The following CCDC88C variants were observed in gnomAD, a reference collection of about 807,000 sequenced individuals.
CCDC88C encodes protein Daple.
In CCDC88C, 131 loss-of-function variants were observed where a neutral mutation model predicts 198.8. That is an observed-to-expected ratio of 0.66 (90% CI 0.57 to 0.76). The LOEUF is 0.76. Ranked by LOEUF, CCDC88C falls within the 30% of genes least tolerant of loss-of-function variation. CCDC88C has a pLI of 0.00. For synonymous variants in CCDC88C, 1,166 were observed against 1,114.7 expected, an observed-to-expected ratio of 1.05 and a Z score of -0.92; for missense variants, 2,553 against 2,631.6, an observed-to-expected ratio of 0.97 and a Z score of 0.65.
At chr14:91,380,566 C>T (rs1038246389) in intron 3 of CCDC88C, among the ~76,000 whole-genome samples, 3 of 151,876 alleles carry the variant, frequency 2.0e-5, no homozygotes, top group African/African-American at 4.8e-5. Flanking sequence ...TTTCCCTTTG[C>T]TGTAAAGGGA....
At chr14:91,405,086 A>G (rs1401715196) in intron 3 of CCDC88C, among the ~76,000 whole-genome samples, 1 of 152,106 alleles carries the variant, frequency 6.6e-6, no homozygotes, top group Admixed American at 6.5e-5. Flanking sequence ...ATAGGATCTC[A>G]GCCACACTGG....
intron 3 of CCDC88C, among the ~76,000 whole-genome samples, chr14:91,390,328 C>G (rs74087918): frequency 6.6e-6 from 1 of 152,180 alleles, no homozygotes; most frequent in Admixed American, 6.5e-5. Context: ...ACCCTCCATC[C>G]GCTTAATTTA....
At chr14:91,390,237 C>T (rs548020719) in intron 3 of CCDC88C, among the ~76,000 whole-genome samples, 17 of 152,260 alleles carry the variant, frequency 1.1e-4, no homozygotes, top group African/African-American at 3.1e-4. Flanking sequence ...CTGTCACACA[C>T]ATTCTTAGTA....
rs1893843334 is a variant in CCDC88C at position 91,352,191 on chromosome 14, A to G, written c.340+7451T>C. 6.6e-6 allele frequency among the ~76,000 whole-genome samples: 1 copy of G among 152,240 alleles called. No homozygotes were observed. Among genetic ancestry groups the G allele is most frequent in the South Asian group, 2.1e-4 (1 of 4,834 alleles). ...GGCCACAGAGAGTAGGGCTGCTGGA[A>G]GCCATGGTGTGGCTGTTGCAGCCAG... is the stretch of plus-strand genomic sequence containing the variant. On this transcript the variant is annotated intron_variant, in intron 4 of 29. Transcript: ENST00000389857. The surrounding 1 kb of genome is among the most constrained non-coding windows in gnomAD (Gnocchi z 4.2).
intron 3 of CCDC88C, among the ~76,000 whole-genome samples, chr14:91,377,143 C>A (rs968600330): frequency 6.6e-6 from 1 of 152,240 alleles, no homozygotes; most frequent in African/African-American, 2.4e-5. Flanking sequence ...CCTCAGACTG[C>A]CTGCCCTGAG....
intron 29 of CCDC88C, among the ~76,000 whole-genome samples, chr14:91,274,117 C>A (rs904149266): frequency 2.0e-5 from 3 of 150,762 alleles, no homozygotes; most frequent in Non-Finnish European, 4.4e-5. Flanking sequence ...GCAAGAGGAA[C>A]AAGAGCAGCT....
At chr14:91,409,758 T>C (rs1886706365) in intron 2 of CCDC88C, among the ~76,000 whole-genome samples, 2 of 152,204 alleles carry the variant, frequency 1.3e-5, no homozygotes, top group African/African-American at 4.8e-5. Flanking sequence ...AGTGCCGGGA[T>C]TACAGGTGTG....
rs191988967 is a variant in CCDC88C at position 91,314,508 on chromosome 14, C to T, written c.1666-358G>A. Reference sequence around the variant, plus strand: ...CCACCTCCTGCTCACTGCTCCTAGCCCAGCTGACTGTGAACACTTTGCACA... The same window carrying T: ...CCACCTCCTGCTCACTGCTCCTAGCTCAGCTGACTGTGAACACTTTGCACA... On this transcript the variant is annotated intron_variant, in intron 14 of 29. Coordinates refer to ENST00000389857, the MANE Select transcript of CCDC88C (RefSeq NM_001080414.4). 2.4e-3 allele frequency among the ~76,000 whole-genome samples: 368 copies of T among 152,342 alleles called. 2 individuals are homozygous for T. The highest frequency in any genetic ancestry group is 8.5e-3 in the African/African-American group (355 of 41,570).
chr14:91,417,569 C>G (rs1887133727), intron 1 of CCDC88C, 62 bp downstream of exon 1: 9 of 1,485,512 alleles, frequency 6.1e-6, no homozygotes, highest in South Asian at 1.2e-5. Context: ...TGCGGCGTCC[C>G]GTCGCCGGGC....
chr14:91,416,931 G>A, intron 1 of CCDC88C, 93 bp from the exon 2 acceptor site: 1 of 861,520 alleles, frequency 1.2e-6, no homozygotes, highest in Non-Finnish European at 1.9e-6. Context: ...GGACGGGTCA[G>A]TGTGAGCAGA....
chr14:91,290,574 C>A (rs1890617676), intron 24 of CCDC88C, among the ~76,000 whole-genome samples: 2 of 152,204 alleles, frequency 1.3e-5, no homozygotes, highest in Non-Finnish European at 2.9e-5. Context: ...TGCATAAGGT[C>A]AAAAGGTTCC....
chr14:91,412,715 G>A (rs561355910), intron 2 of CCDC88C, among the ~76,000 whole-genome samples: 12 of 152,102 alleles, frequency 7.9e-5, no homozygotes, highest in Non-Finnish European at 1.5e-4. Flanking sequence ...CATTACAGGC[G>A]TGAGCCACCG....
Position 91,272,741 on chromosome 14 carries a change from G to A in CCDC88C, c.5971C>T (p.His1991Tyr), listed in dbSNP as rs1370936161. 6.2e-7 allele frequency: 1 copy of A among 1,609,084 alleles called. No individual in the cohort carries two copies. Among genetic ancestry groups the A allele is most frequent in the Non-Finnish European group, 8.5e-7 (1 of 1,179,092 alleles). Residue 1991 changes from histidine (H) to tyrosine (Y), a missense_variant, in exon 30 of 30, where the codon CAC (histidine) becomes TAC (tyrosine). Coordinates refer to ENST00000389857, the MANE Select transcript of CCDC88C (RefSeq NM_001080414.4). ...SPGRSPDLAP[H>Y]LGRALEDCSR... ...CAGTCCTCCAGGGCCCGGCCGAGGT[G>A]GGGAGCCAAATCGGGAGACCGACCT...
intron 12 of CCDC88C, among the ~76,000 whole-genome samples, chr14:91,323,034 T>C (rs2139824960): frequency 6.6e-6 from 1 of 151,656 alleles, no homozygotes; most frequent in South Asian, 2.1e-4. Flanking sequence ...GCCTCCTGAG[T>C]AGCTGGGATT....
rs143780690 is a variant in CCDC88C at position 91,375,825 on chromosome 14, CCTT to C, written c.271-16117_271-16115del. ...CAGGGCGAGTGGGGGGCAAATGTCT[CCTT>C]CTGATCTGACCCTTTCCAGCAGGCA... On this transcript the variant is annotated intron_variant, in intron 3 of 29. Transcript: ENST00000389857. Among the ~76,000 whole-genome samples the C allele has an allele frequency of 9.8e-3, 1,489 of 152,336 alleles. 29 individuals are homozygous for C. Among genetic ancestry groups the C allele is most frequent in the African/African-American group, 0.034 (1,432 of 41,576 alleles).
rs1207134785 is a variant in CCDC88C at position 91,415,098 on chromosome 14, T to A, written c.161+1640A>T. 2.6e-5 allele frequency among the ~76,000 whole-genome samples: 4 copies of A among 152,194 alleles called. No homozygotes were observed. The East Asian group carries it at 7.7e-4, about 29-fold the overall frequency. On this transcript the variant is annotated intron_variant, in intron 2 of 29. Coordinates refer to ENST00000389857, the MANE Select transcript of CCDC88C (RefSeq NM_001080414.4). Reference sequence around the variant, plus strand: ...AGGCTGGGGATACTGCTGGTTTTTTTAATTAAACAGTCTTGGGCTTGGGTA... The same window carrying A: ...AGGCTGGGGATACTGCTGGTTTTTTAAATTAAACAGTCTTGGGCTTGGGTA...
At chr14:91,413,213 G>A (rs980134022) in intron 2 of CCDC88C, among the ~76,000 whole-genome samples, 1 of 152,302 alleles carries the variant, frequency 6.6e-6, no homozygotes, top group African/African-American at 2.4e-5. Flanking sequence ...ATGGGTACAC[G>A]TACGTATGTC....
intron 19 of CCDC88C, among the ~76,000 whole-genome samples, chr14:91,305,101 G>A (rs927331426): frequency 6.6e-6 from 1 of 152,096 alleles, no homozygotes; most frequent in African/African-American, 2.4e-5. Flanking sequence ...AATTAGCCAA[G>A]GCACAAGAAT....
intron 1 of CCDC88C, 49 bp downstream of exon 1, chr14:91,417,582 G>C (rs1235310632): frequency 6.5e-7 from 1 of 1,536,052 alleles, no homozygotes; most frequent in Non-Finnish European, 8.8e-7. Flanking sequence ...CGCCGGGCTA[G>C]AGAGAAGCCG....
Sources: allele counts gnomAD v4.1 joint callset (sites outside exome capture counted in the v4.1 genomes callset), GRCh38; gene constraint gnomAD v4.1.1; non-coding constraint Gnocchi (gnomAD v3.1); transcripts MANE v1.5; gene names NCBI Gene and HGNC (gene_info 2026-07-23, HGNC 2026-07-21).